The following DLGAP4 variants were observed in gnomAD, a reference collection of about 807,000 sequenced individuals.
The protein encoded by DLGAP4 is DLG associated protein 4.
A neutral mutation model predicts 86.9 loss-of-function variants in DLGAP4; 18 were observed. The ratio of observed to expected loss-of-function variants is 0.21; its 90% CI spans 0.14 to 0.31. DLGAP4 has a LOEUF of 0.31. Ranked by LOEUF, DLGAP4 falls within the 10% of genes least tolerant of loss-of-function variation. DLGAP4 has a pLI of 1.00. For synonymous variants in DLGAP4, 548 were observed against 574.3 expected (o/e 0.95, Z 0.65); for missense variants, 1,085 against 1,362.6 (o/e 0.80, Z 3.21).
intron 7 of DLGAP4, among the ~76,000 whole-genome samples, chr20:36,484,603 G>A (rs1030707967): frequency 3.9e-5 from 6 of 152,244 alleles, no homozygotes; most frequent in Non-Finnish European, 7.3e-5. Context: ...CTGGCCTTCC[G>A]GCCAAAAGGG....
Position 36,496,866 on chromosome 20 carries a change from G to A in DLGAP4, c.1810G>A (p.Gly604Ser). 2 of 1,614,198 alleles carry A rather than the reference G, an allele frequency of 1.2e-6. No homozygotes were observed. The highest frequency in any genetic ancestry group is 2.2e-5 in the South Asian group (2 of 91,082). The change falls in exon 8 of 13, where the codon GGC becomes AGC. Residue 604 changes from glycine (G) to serine (S), a missense_variant. By Grantham distance (56) the Gly-to-Ser change is moderately conservative. This residue lies in a region of DLGAP4 where 1,082 missense variants were observed against 1,344.1 expected (regional missense o/e 0.81). Transcript: ENST00000339266. ...DHKSEVTSQS[G>S]LSNSSDSLDS... ...CAAGAGCGAGGTGACTAGCCAGTCG[G>A]GCCTGAGCAACTCGTCGGACAGCCT...
intron 2 of DLGAP4, among the ~76,000 whole-genome samples, chr20:36,384,584 A>T (rs549794882): frequency 1.3e-5 from 2 of 152,306 alleles, no homozygotes; most frequent in Non-Finnish European, 2.9e-5. Context: ...CCTCAGTCAT[A>T]ATAGGAAGGT....
intron 1 of DLGAP4, among the ~76,000 whole-genome samples, chr20:36,347,357 C>CAG (rs1363858327): frequency 6.6e-6 from 1 of 151,978 alleles, no homozygotes; most frequent in Non-Finnish European, 1.5e-5. Context: ...GTGGAAGGGG[C>CAG]AGAGAGAGAG....
intron 8 of DLGAP4, chr20:36,498,404 C>G (rs1392892112): frequency 1.3e-5 from 2 of 152,274 alleles, no homozygotes; most frequent in African/African-American, 4.8e-5. Flanking sequence ...GGCAGCCCCA[C>G]CCTCTTGCTG....
chr20:36,419,512 C>G (rs537878735), intron 2 of DLGAP4, among the ~76,000 whole-genome samples: 13 of 152,290 alleles, frequency 8.5e-5, no homozygotes, highest in African/African-American at 3.1e-4. Flanking sequence ...CACAGAGCTT[C>G]TAGGGGTCAG....
At chr20:36,478,065 G>C (rs2035024458) in intron 7 of DLGAP4, among the ~76,000 whole-genome samples, 2 of 152,204 alleles carry the variant, frequency 1.3e-5, no homozygotes, top group African/African-American at 4.8e-5. Context: ...AGGGAGGATA[G>C]AGGGTAAAGA....
intron 1 of DLGAP4, among the ~76,000 whole-genome samples, chr20:36,353,657 G>A (rs1407296925): frequency 2.0e-5 from 3 of 152,350 alleles, no homozygotes; most frequent in South Asian, 4.1e-4. Flanking sequence ...CTGGTCACAA[G>A]AGTTGGAACA....
chr20:36,500,395 GACA>G lies in DLGAP4; in HGVS notation c.2300_2302del (p.Asn767del). ...GATCAAGCGCAACCTCTCCTATGGA[GACA>G]ACAGCGACCCTGCCCTAGAGGCGTC... On this transcript the variant is annotated inframe_deletion, in exon 10 of 13. Transcript: ENST00000339266. The surrounding 1 kb of genome is among the most constrained non-coding windows in gnomAD (Gnocchi z 4.6). The G allele has an allele frequency of 6.3e-7, 1 of 1,597,300 alleles. No individual in the cohort carries two copies. Among genetic ancestry groups the G allele is most frequent in the Non-Finnish European group, 8.5e-7 (1 of 1,171,490 alleles).
rs1392114692 is a variant in DLGAP4, at chr20:36,526,156, C to T, written c.2760+150C>T. 33 of 1,142,272 alleles carry T rather than the reference C, an allele frequency of 2.9e-5. No homozygotes were observed. In the East Asian group the frequency reaches 7.4e-4, roughly 25 times the overall value. 70.8% of individuals were successfully genotyped at this position (1,142,272 alleles called of 1,614,324 possible). A position where few individuals can be genotyped will look rare whatever the true frequency, so the allele number is the denominator to read the frequency against. ...CATCCATCACTGCGTGGGGTCCATGCTTGGCACTTGTCTGGCATGCCGCTT... is the reference window on the plus strand; with the variant it reads ...CATCCATCACTGCGTGGGGTCCATGTTTGGCACTTGTCTGGCATGCCGCTT... On this transcript the variant is annotated intron_variant, in intron 12 of 12. Coordinates refer to ENST00000339266, the MANE Select transcript of DLGAP4 (RefSeq NM_001365621.2).
intron 1 of DLGAP4, among the ~76,000 whole-genome samples, chr20:36,336,705 G>A (rs1353517125): frequency 3.3e-5 from 5 of 152,150 alleles, no homozygotes; most frequent in Non-Finnish European, 2.9e-5. Flanking sequence ...GAAACTGGAG[G>A]GCCCAGAGGG....
At chr20:36,459,307 C>T (rs1457911242) in intron 7 of DLGAP4, among the ~76,000 whole-genome samples, 1 of 152,178 alleles carries the variant, frequency 6.6e-6, no homozygotes, top group Non-Finnish European at 1.5e-5. Flanking sequence ...CCAAGGGTCT[C>T]AAATTTGGTA....
chr20:36,427,196 A>G (rs1420814614), intron 2 of DLGAP4, among the ~76,000 whole-genome samples: 2 of 150,346 alleles, frequency 1.3e-5, no homozygotes, highest in African/African-American at 2.5e-5. Flanking sequence ...AGAAAGAAAG[A>G]GGCTGGGTGC....
In DLGAP4 at chr20:36,471,210, C is replaced by T. The variant is rs749159772; in HGVS notation, c.1648+24273C>T. Among the ~76,000 whole-genome samples, 3 of 152,142 alleles carry T rather than the reference C, an allele frequency of 2.0e-5. 1 individual carries two copies. Among genetic ancestry groups the T allele is most frequent in the Admixed American group, 2.0e-4 (3 of 15,266 alleles). ...TCATTCAAATATTTACTGACCTTGC[C>T]GGGCGCGATGGCTCATGCCTGTAAT... On this transcript the variant is annotated intron_variant, in intron 7 of 12. Coordinates refer to ENST00000339266, the MANE Select transcript of DLGAP4 (RefSeq NM_001365621.2).
intron 7 of DLGAP4, chr20:36,461,737 C>CCGTT: frequency 1.1e-6 from 1 of 900,810 alleles, no homozygotes; most frequent in East Asian, 1.8e-4. Flanking sequence ...GTCTGTCCGT[C>CCGTT]CGTCCGTCCG....
chr20:36,351,993 G>C (rs1396602817), intron 1 of DLGAP4, among the ~76,000 whole-genome samples: 1 of 152,196 alleles, frequency 6.6e-6, no homozygotes, highest in Non-Finnish European at 1.5e-5. Flanking sequence ...AGCCCAGGCA[G>C]GTGAGACAGG....
intron 7 of DLGAP4, among the ~76,000 whole-genome samples, chr20:36,482,933 A>G (rs1388093538): frequency 6.6e-6 from 1 of 152,138 alleles, no homozygotes; most frequent in Non-Finnish European, 1.5e-5. Flanking sequence ...CAGCCTCCCA[A>G]ATCGCTGAGA....
chr20:36,307,298 C>G (rs2065013159), intron 1 of DLGAP4, among the ~76,000 whole-genome samples: 1 of 152,322 alleles, frequency 6.6e-6, no homozygotes, highest in Non-Finnish European at 1.5e-5. Context: ...CCGCGGGGAC[C>G]AGCTGGGTCC....
intron 10 of DLGAP4, among the ~76,000 whole-genome samples, chr20:36,521,718 C>T (rs1198496029): frequency 6.6e-6 from 1 of 152,148 alleles, no homozygotes; most frequent in Non-Finnish European, 1.5e-5. Flanking sequence ...TCCTCCTGCT[C>T]TAGTTCCAGA....
At position 36,436,289 on chromosome 20, in the gene DLGAP4, C is replaced by A; in HGVS notation, c.1180C>A (p.Arg394=). 1 of 1,604,772 alleles carries A rather than the reference C, an allele frequency of 6.2e-7. No homozygotes were observed. The change falls in exon 4 of 13, where the codon CGG becomes AGG. Residue 394 remains arginine (R), a synonymous_variant. Transcript: ENST00000339266. ...CAAGCCCTCACCCAAGACCGCGGCGCGGCGCCAGAGCTATCTGAGGGCCAC... is the reference window on the plus strand; with the variant it reads ...CAAGCCCTCACCCAAGACCGCGGCGAGGCGCCAGAGCTATCTGAGGGCCAC... The part of the protein sequence containing the change: ...SPKPSPKTAA[R]RQSYLRATQQ...
Sources: gnomAD v4.1 joint callset for allele counts (sites outside exome capture counted in the v4.1 genomes callset) on GRCh38, gnomAD v4.1.1 for gene constraint, gnomAD v4.1.1 regional missense constraint, Gnocchi (gnomAD v3.1) non-coding constraint, MANE v1.5 for transcripts, NCBI Gene and HGNC (gene_info 2026-07-23, HGNC 2026-07-21) for gene names.